PPARGC1B: variants seen among roughly 807,000 people sequenced by gnomAD.
The protein encoded by PPARGC1B is peroxisome proliferator-activated receptor gamma coactivator 1-beta.
In PPARGC1B, 34 loss-of-function variants were observed where a neutral mutation model predicts 101.6. The observed-to-expected ratio is 0.33, with a 90% CI of 0.25 to 0.45. The LOEUF (loss-of-function observed/expected upper bound fraction) is 0.45, where lower values mean the gene tolerates loss of function less well. Among genes scored for constraint, PPARGC1B ranks in the 20% least tolerant of loss-of-function variants. PPARGC1B has a pLI of 1.00. For missense variants in PPARGC1B, 1,234 were observed against 1,317.6 expected (o/e 0.94, Z 0.98); for synonymous variants, 548 against 539.3 (o/e 1.02, Z -0.22).
chr5:149,771,585 G>A (rs1326391369), intron 1 of PPARGC1B, among the ~76,000 whole-genome samples: 1 of 152,214 alleles, frequency 6.6e-6, no homozygotes, highest in Non-Finnish European at 1.5e-5. Flanking sequence ...GACCTGTGAG[G>A]CCAGATTTAA....
chr5:149,810,780 G>A (rs990545241), intron 1 of PPARGC1B, among the ~76,000 whole-genome samples: 2 of 152,286 alleles, frequency 1.3e-5, no homozygotes, highest in South Asian at 2.1e-4. Flanking sequence ...GGAGCTGGCT[G>A]TGTGGATCTC....
At chr5:149,771,965 A>G in intron 1 of PPARGC1B, 1 of 1,353,910 alleles carries the variant, frequency 7.4e-7, no homozygotes, top group Non-Finnish European at 9.8e-7. Context: ...TCCTCAAGCA[A>G]CTCTGAATTA....
At chr5:149,732,173 C>G (rs1463606878) in intron 1 of PPARGC1B, among the ~76,000 whole-genome samples, 2 of 152,158 alleles carry the variant, frequency 1.3e-5, no homozygotes, top group Non-Finnish European at 2.9e-5. Context: ...ACGCCCCGCG[C>G]CGGTGTCTGC....
chr5:149,782,371 C>T (rs1271155275), intron 1 of PPARGC1B, among the ~76,000 whole-genome samples: 1 of 152,192 alleles, frequency 6.6e-6, no homozygotes, highest in African/African-American at 2.4e-5. Flanking sequence ...TCCTTCTCCC[C>T]AAGCAGTGGG....
At chr5:149,753,587 A>T (rs1474503285) in intron 1 of PPARGC1B, among the ~76,000 whole-genome samples, 1 of 152,144 alleles carries the variant, frequency 6.6e-6, no homozygotes, top group African/African-American at 2.4e-5. Context: ...TTTCTAATTG[A>T]CTACTGCTGC....
In PPARGC1B at chr5:149,833,068, A is replaced by T; in HGVS notation, c.995A>T (p.His332Leu). Residue 332 changes from histidine to leucine, a missense_variant, in exon 5 of 12, where the codon CAC becomes CTC. By Grantham distance (99) the His-to-Leu change is moderately conservative. Coordinates refer to ENST00000309241, the MANE Select transcript of PPARGC1B (RefSeq NM_133263.4). This position sits in a 1 kb window ranked among gnomAD's most constrained non-coding sequence, Gnocchi z 4.1. ...QVRSRPWSRH[H>L]SKASWAEFSI... ...AGATCCCGGCCCTGGTCCCGGCACC[A>T]CTCCAAAGCCTCCTGGGCTGAGTTC... 6.2e-7 allele frequency: 1 copy of T among 1,613,624 alleles called. No homozygotes were observed. The highest frequency in any genetic ancestry group is 8.5e-7 in the Non-Finnish European group (1 of 1,179,966).
intron 1 of PPARGC1B, among the ~76,000 whole-genome samples, chr5:149,809,589 G>A (rs1757766465): frequency 1.3e-5 from 2 of 150,800 alleles, no homozygotes; most frequent in Admixed American, 1.3e-4. Flanking sequence ...TAAGGAGGCT[G>A]AGGCGGGAGG....
At chr5:149,734,401 G>GT (rs887993992) in intron 1 of PPARGC1B, among the ~76,000 whole-genome samples, 48 of 130,686 alleles carry the variant, frequency 3.7e-4, no homozygotes, top group Admixed American at 5.4e-4. Context: ...TCTGTAACTT[G>GT]TTTTTTTTTT....
chr5:149,733,289 AT>A (rs1169553914), intron 1 of PPARGC1B, among the ~76,000 whole-genome samples: 3 of 152,316 alleles, frequency 2.0e-5, no homozygotes, highest in African/African-American at 7.2e-5. Flanking sequence ...CAGAACAAGG[AT>A]TGCGAAAGTT....
Position 149,832,824 on chromosome 5 carries a change from G to A in PPARGC1B, c.751G>A (p.Gly251Ser). 6.2e-7 allele frequency: 1 copy of A among 1,611,146 alleles called. No homozygotes were observed. The highest frequency in any genetic ancestry group is 8.5e-7 in the Non-Finnish European group (1 of 1,178,470). Reference protein sequence around the residue: ...RLPAKEDKEPGEDCPSPQPAP... With the variant: ...RLPAKEDKEPSEDCPSPQPAP... ...CCCTGCCAAGGAGGACAAGGAGCCGGGTGAGGACTGCCCGAGCCCCCAGCC... is the reference window on the plus strand; with the variant it reads ...CCCTGCCAAGGAGGACAAGGAGCCGAGTGAGGACTGCCCGAGCCCCCAGCC... The change falls in exon 5 of 12, where the codon GGT becomes AGT. Residue 251 changes from glycine to serine, a missense_variant. This residue lies in a region of PPARGC1B where 734 missense variants were observed against 768.4 expected (regional missense o/e 0.96). Coordinates refer to ENST00000309241, the MANE Select transcript of PPARGC1B (RefSeq NM_133263.4). This position sits in a 1 kb window ranked among gnomAD's most constrained non-coding sequence, Gnocchi z 4.9.
At position 149,847,703 on chromosome 5, in the gene PPARGC1B, T is replaced by TAA; in HGVS notation, c.*145_*146insAA. 1 of 611,536 alleles carries TAA rather than the reference T, an allele frequency of 1.6e-6. No homozygotes were observed. Among genetic ancestry groups the TAA allele is most frequent in the South Asian group, 2.1e-5 (1 of 46,930 alleles). 37.9% of individuals were successfully genotyped at this position (611,536 alleles called of 1,614,324 possible). On this transcript the variant is annotated 3_prime_UTR_variant, in exon 12 of 12. Transcript: ENST00000309241. ...GAGAGAGACTTGAAACTGCTGTCCT[T>TAA]TAAAAAAAAAAAAAATCAATGTTTA...
Position 149,854,696 on chromosome 5 carries a change from A to G in PPARGC1B, c.*7138A>G, listed in dbSNP as rs1226354158. On this transcript the variant is annotated 3_prime_UTR_variant, in exon 12 of 12. Coordinates refer to ENST00000309241, the MANE Select transcript of PPARGC1B (RefSeq NM_133263.4). ...ACATATTGTGGTTGTCATCGTCCCT[A>G]TTTTATTTCTGGTGTGATTTCTCTG... 6.6e-6 allele frequency: 1 copy of G among 152,018 alleles called. No individual in the cohort carries two copies. The highest frequency in any genetic ancestry group is 1.9e-4 in the East Asian group (1 of 5,196). The allele number at this position is 152,018 out of a possible 1,614,324, so 9.4% of individuals were successfully genotyped here.
intron 5 of PPARGC1B, 43 bp from the exon 6 acceptor site, chr5:149,834,631 A>G (rs1398377507): frequency 1.3e-6 from 2 of 1,590,472 alleles, no homozygotes; most frequent in Non-Finnish European, 1.7e-6. Context: ...TCTGCTAGTG[A>G]TACCATATTG....
Position 149,730,319 on chromosome 5 carries a change from G to A in PPARGC1B, c.-24G>A. 4.6e-6 allele frequency: 7 copies of A among 1,530,958 alleles called. No individual in the cohort carries two copies. The highest frequency in any genetic ancestry group is 1.4e-5 in the African/African-American group (1 of 70,194). The allele number at this position is 1,530,958 out of a possible 1,614,324, so 94.8% of individuals were successfully genotyped here. A position where few individuals can be genotyped will look rare whatever the true frequency, so the allele number is the denominator to read the frequency against. On this transcript the variant is annotated 5_prime_UTR_variant, in exon 1 of 12. Transcript: ENST00000309241. The surrounding 1 kb of genome is among the most constrained non-coding windows in gnomAD (Gnocchi z 4.0). ...GGGCCGGCTCGGCGTTGACTCCGCC[G>A]CACGCTGCAGCCGCGGCTGGAAGAT...
intron 1 of PPARGC1B, among the ~76,000 whole-genome samples, chr5:149,770,442 G>T (rs938074264): frequency 6.6e-6 from 1 of 152,242 alleles, no homozygotes; most frequent in East Asian, 1.9e-4. Context: ...GATAGGGGAA[G>T]ATGTGGGTGC....
intron 1 of PPARGC1B, among the ~76,000 whole-genome samples, chr5:149,776,724 C>T (rs1420498734): frequency 1.3e-5 from 2 of 152,202 alleles, no homozygotes; most frequent in Non-Finnish European, 2.9e-5. Context: ...GGCACTGTGG[C>T]CTCAGCAGTT....
At position 149,832,650 on chromosome 5, in the gene PPARGC1B, C is replaced by T. The variant is rs1758837651; in HGVS notation, c.583-6C>T. ...CTTCCTCACTCTGGCCTCTCTCCCT[C>T]TCTAGGCGGACAGCACCCAAGACAA... On this transcript the variant is annotated splice_polypyrimidine_tract_variant and splice_region_variant and intron_variant, in intron 4 of 11. Transcript: ENST00000309241. This position sits in a 1 kb window ranked among gnomAD's most constrained non-coding sequence, Gnocchi z 4.9. 6.5e-7 allele frequency: 1 copy of T among 1,528,394 alleles called. No homozygotes were observed. Among genetic ancestry groups the T allele is most frequent in the Non-Finnish European group, 8.8e-7 (1 of 1,135,322 alleles). The allele number at this position is 1,528,394 out of a possible 1,614,324, so 94.7% of individuals were successfully genotyped here.
At chr5:149,818,667 C>CT (rs1758150897) in intron 1 of PPARGC1B, among the ~76,000 whole-genome samples, 1 of 152,188 alleles carries the variant, frequency 6.6e-6, no homozygotes. Flanking sequence ...ACCTGTTTCT[C>CT]TTAAGTGTCA....
chr5:149,836,621 GC>G lies in PPARGC1B; in HGVS notation c.2170del (p.Gln724SerfsTer32). On this transcript the variant is annotated frameshift_variant, in exon 8 of 12. Transcript: ENST00000309241. LOFTEE classifies it high-confidence loss of function. ...CGTCTGGGGTTCACCTTGAGGACTG[GC>G]CCCAGCAGGGTGCCCCTTGGGCTGA... ...EPSGVHLEDWPQQGAPWAEAQ... is the reference protein window; with the variant it reads ...EPSGVHLEDWXQQGAPWAEAQ... 6.2e-7 allele frequency: 1 copy of G among 1,613,790 alleles called. No homozygotes were observed. Among genetic ancestry groups the G allele is most frequent in the Middle Eastern group, 1.6e-4 (1 of 6,062 alleles).
Sources: allele counts gnomAD v4.1 joint callset (sites outside exome capture counted in the v4.1 genomes callset), GRCh38; gene constraint gnomAD v4.1.1; regional missense constraint gnomAD v4.1.1; non-coding constraint Gnocchi (gnomAD v3.1); transcripts MANE v1.5; gene names NCBI Gene and HGNC (gene_info 2026-07-23, HGNC 2026-07-21).